RBFOX1: variants seen among roughly 807,000 people sequenced by gnomAD.
The protein encoded by RBFOX1 is RNA binding protein fox-1 homolog 1.
RBFOX1 carries 8 observed loss-of-function variants against 57.7 expected under a neutral mutation model. The ratio of observed to expected loss-of-function variants is 0.14; its 90% CI spans 0.08 to 0.25. The LOEUF is 0.25. Ranked by LOEUF, RBFOX1 falls within the 10% of genes least tolerant of loss-of-function variation. The pLI is 1.00. For synonymous variants in RBFOX1, 326 were observed against 222.4 expected, an observed-to-expected ratio of 1.47 and a Z score of -4.15; for missense variants, 611 against 548.5, an observed-to-expected ratio of 1.11 and a Z score of -1.14.
At chr16:5,457,102 G>A (rs12920675) in intron 1 of RBFOX1, among the ~76,000 whole-genome samples, 54,383 of 151,924 alleles carry the variant, frequency 0.36, 10,982 homozygotes, top group East Asian at 0.52. Flanking sequence ...TTCTCACTGT[G>A]TCCTCACATG....
In RBFOX1 at chr16:6,276,397, C is replaced by T. The variant is rs563582836; in HGVS notation, c.-126-40598C>T. 4.6e-5 allele frequency among the ~76,000 whole-genome samples: 7 copies of T among 152,216 alleles called. No individual in the cohort carries two copies. The East Asian group carries it at 1.2e-3, about 25-fold the overall frequency. ...TTGCCCAAGCTGGAGTGCAGTGGCA[C>T]GATCTTGGCTCACTACCACCTCTGC... On this transcript the variant is annotated intron_variant, in intron 1 of 15. Transcript: ENST00000550418.
intron 6 of RBFOX1, among the ~76,000 whole-genome samples, chr16:7,584,822 C>T (rs1295783979): frequency 6.6e-6 from 1 of 152,170 alleles, no homozygotes; most frequent in Non-Finnish European, 1.5e-5. Context: ...ATGGGGCTTA[C>T]ATCAGCATTC....
At chr16:6,274,767 C>G (rs11861041) in intron 1 of RBFOX1, among the ~76,000 whole-genome samples, 4,049 of 152,224 alleles carry the variant, frequency 0.027, 119 homozygotes, top group African/African-American at 0.073. Context: ...AATGAAATAT[C>G]TAATTTAAAA....
At chr16:5,348,009 A>T (rs2065181039) in intron 1 of RBFOX1, among the ~76,000 whole-genome samples, 2 of 123,384 alleles carry the variant, frequency 1.6e-5, no homozygotes, top group African/African-American at 6.4e-5. Context: ...CCATCCATCC[A>T]TCCATCCCCC....
intron 1 of RBFOX1, among the ~76,000 whole-genome samples, chr16:6,065,194 A>ATTT (rs71404575): frequency 1.6e-5 from 2 of 128,202 alleles, no homozygotes; most frequent in Non-Finnish European, 1.6e-5. Flanking sequence ...TCACCGGCTA[A>ATTT]TTTTTTTTTT....
intron 4 of RBFOX1, among the ~76,000 whole-genome samples, chr16:7,442,673 G>A (rs1335159802): frequency 6.6e-6 from 1 of 152,258 alleles, no homozygotes; most frequent in Admixed American, 6.5e-5. Context: ...AAGCAGTAGA[G>A]AGTGCAAAGT....
intron 2 of RBFOX1, among the ~76,000 whole-genome samples, chr16:6,473,724 A>G (rs1413210587): frequency 1.3e-5 from 2 of 152,128 alleles, no homozygotes; most frequent in Non-Finnish European, 2.9e-5. Flanking sequence ...GAGTAGGAAA[A>G]TTTTATAGTA....
At chr16:7,697,903 T>C (rs2079299426) in intron 14 of RBFOX1, among the ~76,000 whole-genome samples, 1 of 152,170 alleles carries the variant, frequency 6.6e-6, no homozygotes, top group Admixed American at 6.6e-5. Context: ...CCACTGGAAT[T>C]TTATTTAACT....
intron 4 of RBFOX1, among the ~76,000 whole-genome samples, chr16:5,968,668 C>T (rs17138993): frequency 0.24 from 36,790 of 151,880 alleles, 5,117 homozygotes; most frequent in African/African-American, 0.39. Flanking sequence ...CTATCCTTGA[C>T]AAAGGACACT....
chr16:5,344,308 C>G (rs185438415), intron 1 of RBFOX1, among the ~76,000 whole-genome samples: 4 of 152,314 alleles, frequency 2.6e-5, no homozygotes, highest in Non-Finnish European at 5.9e-5. Flanking sequence ...GCCCAGCTCC[C>G]TCTTTCTACA....
intron 3 of RBFOX1, among the ~76,000 whole-genome samples, chr16:5,718,398 G>A (rs1240187325): frequency 2.0e-5 from 3 of 152,168 alleles, no homozygotes; most frequent in African/African-American, 7.2e-5. Flanking sequence ...ATAAATGAGG[G>A]CTGAGTTAAG....
At chr16:6,518,839 CT>C (rs2096443216) in intron 2 of RBFOX1, among the ~76,000 whole-genome samples, 2 of 125,924 alleles carry the variant, frequency 1.6e-5, no homozygotes, top group Non-Finnish European at 3.3e-5. Flanking sequence ...ATCTATCTAT[CT>C]ATCTATCTGT....
chr16:5,834,815 TAGATAGACAGAC>T (rs1307292832), intron 3 of RBFOX1, among the ~76,000 whole-genome samples: 3 of 100,350 alleles, frequency 3.0e-5, no homozygotes, highest in Non-Finnish European at 4.4e-5. Flanking sequence ...GATAGATAGA[TAGATAGACAGAC>T]AGACAGACAG....
At chr16:6,554,328 T>A (rs2097053341) in intron 2 of RBFOX1, among the ~76,000 whole-genome samples, 2 of 152,062 alleles carry the variant, frequency 1.3e-5, no homozygotes, top group South Asian at 4.2e-4. Context: ...CCCCGTGAAG[T>A]GTTGGGAATA....
At chr16:7,443,769 G>A (rs1039006019) in intron 4 of RBFOX1, among the ~76,000 whole-genome samples, 1 of 152,156 alleles carries the variant, frequency 6.6e-6, no homozygotes, top group East Asian at 1.9e-4. Flanking sequence ...TTGCCCAGAA[G>A]AGATCCGTTG....
chr16:7,682,448 T>C (rs1016483773), intron 14 of RBFOX1, among the ~76,000 whole-genome samples: 2 of 151,774 alleles, frequency 1.3e-5, no homozygotes, highest in African/African-American at 4.8e-5. Flanking sequence ...CTTGCAAGTT[T>C]GAGTCTAGGC....
At chr16:6,056,751 GAAATCACAC>G (rs2095619324) in intron 1 of RBFOX1, among the ~76,000 whole-genome samples, 1 of 151,862 alleles carries the variant, frequency 6.6e-6, no homozygotes, top group Non-Finnish European at 1.5e-5. Context: ...GGTACATTAT[GAAATCACAC>G]TCCCTTTTGA....
chr16:7,272,995 C>T (rs923601972), intron 4 of RBFOX1, among the ~76,000 whole-genome samples: 2 of 134,016 alleles, frequency 1.5e-5, no homozygotes, highest in Non-Finnish European at 3.1e-5. Context: ...CCCTCTCTCC[C>T]TTCCTTCCTC....
intron 1 of RBFOX1, among the ~76,000 whole-genome samples, chr16:5,244,930 C>T (rs961062540): frequency 3.3e-5 from 5 of 152,222 alleles, no homozygotes; most frequent in African/African-American, 7.2e-5. Flanking sequence ...GCTGTGTTGC[C>T]CTGGGCTTTA....
Sources: gnomAD v4.1 joint callset for allele counts (sites outside exome capture counted in the v4.1 genomes callset) on GRCh38, gnomAD v4.1.1 for gene constraint, MANE v1.5 for transcripts, NCBI Gene and HGNC (gene_info 2026-07-23, HGNC 2026-07-21) for gene names.